DOCK8: variants seen among roughly 807,000 people sequenced by gnomAD.
DOCK8 encodes dedicator of cytokinesis 8, also known as dedicator of cytokinesis protein 8.
Under a neutral mutation model 245.6 loss-of-function variants are expected in DOCK8, and 141 were observed. That is an observed-to-expected ratio of 0.57 (90% CI 0.50 to 0.66). The LOEUF is 0.66. Among genes scored for constraint, DOCK8 ranks in the 30% least tolerant of loss-of-function variants. The probability of loss-of-function intolerance (pLI) is 0.00; values close to 1 mark genes in which losing one functional copy is unlikely to be tolerated. For synonymous variants in DOCK8, 1,168 were observed against 970.2 expected (o/e 1.20, Z -3.79); for missense variants, 2,965 against 2,603.4 (o/e 1.14, Z -3.02).
At position 304,540 on chromosome 9, in the gene DOCK8, C is replaced by G. The variant is rs370653969; in HGVS notation, c.405-41C>G. 9.9e-6 allele frequency: 16 copies of G among 1,613,046 alleles called. No individual in the cohort carries two copies. The African/African-American group carries it at 2.0e-4, about 20-fold the overall frequency. The stretch of plus-strand genomic sequence containing the variant: ...TTAATCTAATGGTTTGCCGCTCTCT[C>G]TCCCTCTTTCTCTCTCCAAATTAAA... On this transcript the variant is annotated intron_variant, in intron 4 of 47. Coordinates refer to ENST00000432829, the MANE Select transcript of DOCK8 (RefSeq NM_203447.4).
At chr9:391,122 C>G (rs1003209232) in intron 24 of DOCK8, among the ~76,000 whole-genome samples, 3 of 152,170 alleles carry the variant, frequency 2.0e-5, no homozygotes, top group Non-Finnish European at 4.4e-5. Context: ...GCCTCACAGC[C>G]TTTTCCAGAT....
intron 2 of DOCK8, among the ~76,000 whole-genome samples, chr9:274,870 C>T (rs533458410): frequency 6.6e-6 from 1 of 152,270 alleles, no homozygotes; most frequent in East Asian, 1.9e-4. Context: ...CTTCGTTTCT[C>T]TTACCTTTAT....
intron 5 of DOCK8, among the ~76,000 whole-genome samples, chr9:305,924 G>T (rs77957334): frequency 0.13 from 19,219 of 152,118 alleles, 1,391 homozygotes; most frequent in Admixed American, 0.17. Flanking sequence ...GGTCGCCAGG[G>T]GCTGGGGGAG....
Position 379,806 on chromosome 9 carries a change from G to A in DOCK8, c.2476G>A (p.Ala826Thr), listed in dbSNP as rs780667504. 6.2e-7 allele frequency: 1 copy of A among 1,614,202 alleles called. No homozygotes were observed. The highest frequency in any genetic ancestry group is 8.5e-7 in the Non-Finnish European group (1 of 1,180,042). Reference protein sequence around the residue: ...FSQFAFESVVAIANSLHNSKD... With the variant: ...FSQFAFESVVTIANSLHNSKD... ...CCAGTTTGCCTTCGAGTCCGTGGTG[G>A]CCATCGCCAACAGTCTGCACAACAG... The change falls in exon 21 of 48, where the codon GCC becomes ACC. Residue 826 changes from alanine to threonine, a missense_variant. Transcript: ENST00000432829.
At chr9:314,954 C>A (rs188375393) in intron 6 of DOCK8, among the ~76,000 whole-genome samples, 209 of 152,292 alleles carry the variant, frequency 1.4e-3, no homozygotes, top group African/African-American at 4.8e-3. Flanking sequence ...TTCCCTAATT[C>A]ATTCTGAGTC....
chr9:425,038 A>G (rs1224503243), intron 33 of DOCK8, among the ~76,000 whole-genome samples: 1 of 152,256 alleles, frequency 6.6e-6, no homozygotes, highest in African/African-American at 2.4e-5. Context: ...ATATTTCACT[A>G]GTAATTTTTA....
intron 36 of DOCK8, among the ~76,000 whole-genome samples, chr9:431,075 G>A (rs1165107288): frequency 6.6e-6 from 1 of 151,808 alleles, no homozygotes; most frequent in East Asian, 1.9e-4. Context: ...GGGTCTTGCT[G>A]CATGCCCAGG....
At chr9:273,799 GTAGTTCAAGCAATTCTCC>G in intron 2 of DOCK8, among the ~76,000 whole-genome samples, 1 of 39,166 alleles carries the variant, frequency 2.6e-5, no homozygotes, top group East Asian at 5.0e-4. Flanking sequence ...CAATTCTCCT[GTAGTTCAAGCAATTCTCC>G]TGCCTCAGCC....
At chr9:236,669 G>A (rs2047256398) in intron 1 of DOCK8, among the ~76,000 whole-genome samples, 1 of 152,206 alleles carries the variant, frequency 6.6e-6, no homozygotes, top group African/African-American at 2.4e-5. Flanking sequence ...TAAGCTAGCT[G>A]TGAGAACAAA....
chr9:402,110 A>T (rs544322691), intron 26 of DOCK8, among the ~76,000 whole-genome samples: 1 of 152,210 alleles, frequency 6.6e-6, no homozygotes, highest in African/African-American at 2.4e-5. Context: ...TTAGCTACTC[A>T]CATGCAGGCT....
At chr9:418,739 T>C (rs1316482424) in intron 30 of DOCK8, among the ~76,000 whole-genome samples, 1 of 152,144 alleles carries the variant, frequency 6.6e-6, no homozygotes, top group Non-Finnish European at 1.5e-5. Flanking sequence ...GTCCCAGTGG[T>C]GCTGAGTTCA....
At chr9:262,937 T>A (rs1181341005) in intron 1 of DOCK8, among the ~76,000 whole-genome samples, 1 of 152,222 alleles carries the variant, frequency 6.6e-6, no homozygotes, top group Non-Finnish European at 1.5e-5. Context: ...CAGGGCACGG[T>A]GGCTCCCGCC....
intron 26 of DOCK8, among the ~76,000 whole-genome samples, 200 bp from the exon 27 acceptor site, chr9:404,718 T>C (rs898250792): frequency 6.6e-6 from 1 of 152,190 alleles, no homozygotes; most frequent in African/African-American, 2.4e-5. Flanking sequence ...TAGGCTAGAA[T>C]CACTAAGGGG....
intron 1 of DOCK8, among the ~76,000 whole-genome samples, chr9:243,639 A>C (rs2047431007): frequency 1.3e-5 from 2 of 152,066 alleles, no homozygotes; most frequent in Non-Finnish European, 2.9e-5. Context: ...CAGCGGTCCC[A>C]ACTGCCAACC....
At chr9:421,150 C>CCACA in intron 32 of DOCK8, 72 bp downstream of exon 32, 1 of 1,583,476 alleles carries the variant, frequency 6.3e-7, no homozygotes, top group Non-Finnish European at 8.7e-7. Context: ...AATGTCCTCC[C>CCACA]AACATGATTA....
Position 304,608 on chromosome 9 carries a change from C to A in DOCK8, c.432C>A (p.Gly144=), listed in dbSNP as rs759642755. The change falls in exon 5 of 48, where the codon GGC becomes GGA. Residue 144 remains glycine (G), a synonymous_variant. Coordinates refer to ENST00000432829, the MANE Select transcript of DOCK8 (RefSeq NM_203447.4). ...RKNQGSPEIC[G]FKKTGSRKDF... is the part of the protein sequence containing the mutation. ...ACCAAGGAAGTCCAGAAATCTGTGG[C>A]TTTAAAAAGACTGGATCTCGAAAAG... is the stretch of plus-strand genomic sequence containing the variant. The A allele has an allele frequency of 1.2e-6, 2 of 1,614,152 alleles. No homozygotes were observed. Among genetic ancestry groups the A allele is most frequent in the South Asian group, 2.2e-5 (2 of 91,084 alleles).
chr9:214,720 G>A, upstream of DOCK8: 1 of 1,538,864 alleles, frequency 6.5e-7, no homozygotes, highest in Non-Finnish European at 8.7e-7. Context: ...GGCCAGTTCC[G>A]CGCTGGGCCC....
intron 14 of DOCK8, among the ~76,000 whole-genome samples, chr9:342,031 C>T (rs2051622677): frequency 6.6e-6 from 1 of 152,104 alleles, no homozygotes; most frequent in African/African-American, 2.4e-5. Flanking sequence ...GCTCAGGGCT[C>T]CTACTGATTC....
chr9:366,916 G>T (rs1301543375), intron 14 of DOCK8, among the ~76,000 whole-genome samples: 1 of 152,162 alleles, frequency 6.6e-6, no homozygotes. Flanking sequence ...GTATGGAAAG[G>T]CCATGCTTAT....
Sources: allele counts gnomAD v4.1 joint callset (sites outside exome capture counted in the v4.1 genomes callset), GRCh38; gene constraint gnomAD v4.1.1; transcripts MANE v1.5; gene names NCBI Gene and HGNC (gene_info 2026-07-23, HGNC 2026-07-21).